TRPM2: variants seen among roughly 807,000 people sequenced by gnomAD.
TRPM2 encodes the protein transient receptor potential cation channel subfamily M member 2.
TRPM2 carries 161 observed loss-of-function variants against 174.0 expected under a neutral mutation model. The ratio of observed to expected loss-of-function variants is 0.93; its 90% CI spans 0.81 to 1.05. The LOEUF is 1.05. Ranked by LOEUF, TRPM2 falls within the 50% of genes least tolerant of loss-of-function variation. TRPM2 has a pLI of 0.00. For synonymous variants in TRPM2, 954 were observed against 861.3 expected (o/e 1.11, Z -1.88); for missense variants, 2,057 against 2,038.0 (o/e 1.01, Z -0.18).
intron 29 of TRPM2, 135 bp downstream of exon 29, chr21:44,437,302 C>A (rs2051312669): frequency 1.4e-6 from 1 of 738,188 alleles, no homozygotes; most frequent in Non-Finnish European, 2.2e-6. Flanking sequence ...GGGTTCGAGA[C>A]CCCGCCTGTT....
intron 2 of TRPM2, among the ~76,000 whole-genome samples, chr21:44,361,269 C>T (rs1469597098): frequency 2.7e-4 from 41 of 152,248 alleles, no homozygotes; most frequent in Admixed American, 2.2e-3. Flanking sequence ...TGCGCCACCA[C>T]GCCTGGCTAA....
In TRPM2 at chr21:44,354,886, T is replaced by C; in HGVS notation, c.254+150T>C. The C allele has an allele frequency of 5.6e-6, 4 of 709,816 alleles. No homozygotes were observed. Among genetic ancestry groups the C allele is most frequent in the Non-Finnish European group, 9.9e-6 (4 of 405,476 alleles). 44.0% of individuals were successfully genotyped at this position (709,816 alleles called of 1,614,324 possible). ...TACGAGGCTTAGAGTCCACAGAGCA[T>C]TTCCACCTAACCCTTGCAAGCCTCC... On this transcript the variant is annotated intron_variant, in intron 2 of 31. Transcript: ENST00000397928. This position sits in a 1 kb window ranked among gnomAD's most constrained non-coding sequence, Gnocchi z 4.3.
chr21:44,414,126 T>C, intron 20 of TRPM2, 52 bp downstream of exon 20: 1 of 1,578,380 alleles, frequency 6.3e-7, no homozygotes, highest in Non-Finnish European at 8.6e-7. Context: ...GCGGCGTTCC[T>C]GGGCCGCAGT....
At position 44,409,476 on chromosome 21, in the gene TRPM2, C is replaced by T. The variant is rs538112276; in HGVS notation, c.2962+2711C>T. ...GCCAGAACCACACTGTCTTGGTGAG[C>T]ATAGCCTTGTAGTAAGTTTTGACCG... On this transcript the variant is annotated intron_variant, in intron 19 of 31. Coordinates refer to ENST00000397928, the MANE Select transcript of TRPM2 (RefSeq NM_003307.4). Among the ~76,000 whole-genome samples, 527 of 151,124 alleles carry T rather than the reference C, an allele frequency of 3.5e-3. 10 individuals carry two copies. The highest frequency in any genetic ancestry group is 0.013 in the African/African-American group (511 of 40,754).
intron 17 of TRPM2, 59 bp downstream of exon 17, chr21:44,405,319 A>G: frequency 1.2e-6 from 2 of 1,600,942 alleles, no homozygotes; most frequent in Non-Finnish European, 1.7e-6. Context: ...GCAGGGGATG[A>G]GCACAGGCCG....
intron 27 of TRPM2, among the ~76,000 whole-genome samples, chr21:44,433,303 G>A (rs1221007213): frequency 1.3e-5 from 2 of 152,228 alleles, no homozygotes; most frequent in Non-Finnish European, 2.9e-5. Context: ...AGAGCGTGTG[G>A]CCTCCTCTGT....
chr21:44,395,332 G>A, intron 11 of TRPM2, 82 bp from the exon 12 acceptor site: 2 of 1,538,412 alleles, frequency 1.3e-6, no homozygotes, highest in Non-Finnish European at 1.7e-6. Context: ...GCTGGGGTCA[G>A]GGCCTGCACC....
intron 28 of TRPM2, among the ~76,000 whole-genome samples, chr21:44,435,457 G>A (rs1274727910): frequency 6.6e-6 from 1 of 151,978 alleles, no homozygotes; most frequent in African/African-American, 2.4e-5. Flanking sequence ...CCCCTCTCCC[G>A]GGGCTGCCTT....
chr21:44,429,813 A>G (rs557725903), intron 27 of TRPM2, among the ~76,000 whole-genome samples: 1 of 152,060 alleles, frequency 6.6e-6, no homozygotes, highest in Non-Finnish European at 1.5e-5. Context: ...GTGCTGGGTA[A>G]ATTCTTCAGT....
Position 44,439,178 on chromosome 21 carries a change from GC to G in TRPM2, c.4269+12del. On this transcript the variant is annotated intron_variant, in intron 30 of 31. Coordinates refer to ENST00000397928, the MANE Select transcript of TRPM2 (RefSeq NM_003307.4). The surrounding 1 kb of genome is among the most constrained non-coding windows in gnomAD (Gnocchi z 5.1). ...GAAGTGCGGCATGGAGGTATTCCTG[GC>G]CTGTTTGCTCTGTTCCACCTGTGTG... 6.2e-7 allele frequency: 1 copy of G among 1,611,550 alleles called. No homozygotes were observed. The highest frequency in any genetic ancestry group is 8.5e-7 in the Non-Finnish European group (1 of 1,178,192).
chr21:44,410,297 G>A (rs1343989905), intron 19 of TRPM2, among the ~76,000 whole-genome samples: 1 of 65,392 alleles, frequency 1.5e-5, no homozygotes, highest in African/African-American at 4.6e-5. Flanking sequence ...AGTTTTGACT[G>A]CACTGTCTTG....
At chr21:44,381,446 G>A (rs954966031) in intron 8 of TRPM2, among the ~76,000 whole-genome samples, 20 of 143,026 alleles carry the variant, frequency 1.4e-4, no homozygotes, top group Non-Finnish European at 2.1e-4. Context: ...GGGTGGGTGT[G>A]TGGATGGCTG....
chr21:44,395,011 G>T (rs1479728797), intron 11 of TRPM2, among the ~76,000 whole-genome samples: 1 of 152,162 alleles, frequency 6.6e-6, no homozygotes, highest in African/African-American at 2.4e-5. Context: ...TGGCCTCTCT[G>T]CCAGAGACAC....
intron 5 of TRPM2, among the ~76,000 whole-genome samples, chr21:44,373,100 G>T (rs1211229102): frequency 6.6e-6 from 1 of 152,158 alleles, no homozygotes; most frequent in African/African-American, 2.4e-5. Flanking sequence ...TGGCTTCTGA[G>T]ATGGTTGAGT....
intron 12 of TRPM2, 53 bp downstream of exon 12, chr21:44,395,604 A>C (rs1413112076): frequency 5.0e-6 from 8 of 1,606,246 alleles, no homozygotes; most frequent in Non-Finnish European, 5.9e-6. Context: ...GCCAGCGGCC[A>C]GCTGGGGAGT....
chr21:44,370,302 G>C (rs2048495657), intron 5 of TRPM2, among the ~76,000 whole-genome samples: 1 of 152,124 alleles, frequency 6.6e-6, no homozygotes, highest in African/African-American at 2.4e-5. Flanking sequence ...CCTGCAGCCG[G>C]GAATCCCACT....
In TRPM2 at chr21:44,440,974, AG is replaced by A. The variant is rs1382383350; in HGVS notation, c.4386+74del. ...ACGGGTATGGGCGTGGCCTCCGGGG[AG>A]GGGGTTGGCAGGGATGGGGGTCTGG... On this transcript the variant is annotated intron_variant, in intron 31 of 31. Coordinates refer to ENST00000397928, the MANE Select transcript of TRPM2 (RefSeq NM_003307.4). The A allele has an allele frequency of 2.2e-6, 3 of 1,384,498 alleles. No homozygotes were observed. In the East Asian group the frequency reaches 7.0e-5, roughly 32 times the overall value. 85.8% of individuals were successfully genotyped at this position (1,384,498 alleles called of 1,614,324 possible).
intron 9 of TRPM2, among the ~76,000 whole-genome samples, chr21:44,389,370 TGAATAAAGCTGCTA>T (rs2049105922): frequency 6.6e-6 from 1 of 152,238 alleles, no homozygotes; most frequent in Non-Finnish European, 1.5e-5. Context: ...GGGGCTATTA[TGAATAAAGCTGCTA>T]TTTGTCTTCA....
At chr21:44,407,226 C>T (rs1449385224) in intron 19 of TRPM2, among the ~76,000 whole-genome samples, 1 of 117,436 alleles carries the variant, frequency 8.5e-6, no homozygotes, top group African/African-American at 3.4e-5. Flanking sequence ...CTCCTGCGCT[C>T]AAGTCCTCCT....
Sources: allele counts gnomAD v4.1 joint callset (sites outside exome capture counted in the v4.1 genomes callset), GRCh38; gene constraint gnomAD v4.1.1; non-coding constraint Gnocchi (gnomAD v3.1); transcripts MANE v1.5; gene names NCBI Gene and HGNC (gene_info 2026-07-23, HGNC 2026-07-21).